SLC26A1: variants seen among roughly 807,000 people sequenced by gnomAD.
The protein encoded by SLC26A1 is sulfate anion transporter 1.
SLC26A1 carries 18 observed loss-of-function variants against 14.5 expected under a neutral mutation model. That is an observed-to-expected ratio of 1.24 (90% CI 0.86 to 1.84). The LOEUF (loss-of-function observed/expected upper bound fraction) is 1.84. Among genes scored for constraint, SLC26A1 ranks in the 40% most tolerant of loss-of-function variants. SLC26A1 has a pLI of 0.00. For missense variants in SLC26A1, 1,049 were observed against 1,020.0 expected (o/e 1.03, Z -0.39); for synonymous variants, 505 against 492.0 (o/e 1.03, Z -0.35).
rs773238336 is a variant in SLC26A1 at position 987,829 on chromosome 4, A to G, written c.*1004T>C. 2.5e-5 allele frequency: 41 copies of G among 1,612,356 alleles called. No homozygotes were observed. The South Asian group carries it at 3.6e-4, about 14-fold the overall frequency. ...CCCAGCCCCCCGCTGCCACACAGCCAGGCTGACCAGTACGTCCTCAGCTGG... is the reference window on the plus strand; with the variant it reads ...CCCAGCCCCCCGCTGCCACACAGCCGGGCTGACCAGTACGTCCTCAGCTGG... On this transcript the variant is annotated 3_prime_UTR_variant, in exon 3 of 3. Transcript: ENST00000398516.
chr4:991,938 GA>G, intron 1 of SLC26A1: 1 of 915,006 alleles, frequency 1.1e-6, no homozygotes, highest in Non-Finnish European at 1.7e-6. Flanking sequence ...AATCCATCGT[GA>G]GGTGAGATGG....
chr4:979,598 C>G, intron 2 of SLC26A1: 1 of 1,508,802 alleles, frequency 6.6e-7, no homozygotes, highest in African/African-American at 1.4e-5. Context: ...CCAAAGTGCC[C>G]ACTGCCTCTC....
Position 989,694 on chromosome 4 carries a change from G to A in SLC26A1, c.1245C>T (p.Ser415=). ...GCACCACGGTGGCGCTGACCACGCTGGACAGCTGTGTCCGGCAGCCAGTGG... is the reference window on the plus strand; with the variant it reads ...GCACCACGGTGGCGCTGACCACGCTAGACAGCTGTGTCCGGCAGCCAGTGG... ...KTATGCRTQL[S]SVVSATVVLL... The change falls in exon 3 of 3, where the codon TCC becomes TCT. Residue 415 remains serine, a synonymous_variant. Transcript: ENST00000398516. The A allele has an allele frequency of 1.9e-6, 3 of 1,562,310 alleles. No individual in the cohort carries two copies. Among genetic ancestry groups the A allele is most frequent in the Non-Finnish European group, 2.6e-6 (3 of 1,154,074 alleles).
chr4:984,574 T>C (rs1457080611), downstream of SLC26A1, among the ~76,000 whole-genome samples: 1 of 152,172 alleles, frequency 6.6e-6, no homozygotes, highest in Non-Finnish European at 1.5e-5. Flanking sequence ...CTCATGCCTA[T>C]AATCCCAGCA....
At position 989,976 on chromosome 4, in the gene SLC26A1, G is replaced by A. The variant is rs138492048; in HGVS notation, c.963C>T (p.Gly321=). The stretch of plus-strand genomic sequence containing the variant: ...GGGGCATGAAACCCGTGGGGATGTC[G>A]CCAGCCACGCTCGAGCCAAAGCGCT... The part of the protein sequence containing the change: ...LHKRFGSSVA[G]DIPTGFMPPQ... The change falls in exon 3 of 3, where the codon GGC becomes GGT. Residue 321 remains glycine, a synonymous_variant. Coordinates refer to ENST00000398516, the MANE Select transcript of SLC26A1 (RefSeq NM_022042.4). 539 of 1,556,958 alleles carry A rather than the reference G, an allele frequency of 3.5e-4. 1 individual carries two copies. The highest frequency in any genetic ancestry group is 4.1e-4 in the Non-Finnish European group (478 of 1,152,376).
chr4:985,845 A>T (rs1324207069), downstream of SLC26A1, among the ~76,000 whole-genome samples: 3 of 152,222 alleles, frequency 2.0e-5, no homozygotes, highest in Non-Finnish European at 4.4e-5. Flanking sequence ...AGAACACTGT[A>T]ACTCTAATTA....
chr4:983,231 C>A (rs956514634), downstream of SLC26A1, among the ~76,000 whole-genome samples: 2 of 152,226 alleles, frequency 1.3e-5, no homozygotes, highest in African/African-American at 4.8e-5. Flanking sequence ...GAAAATGTCA[C>A]CCAGAGTGAA....
chr4:986,998 T>G, downstream of SLC26A1: 1 of 1,025,678 alleles, frequency 9.7e-7, no homozygotes. Flanking sequence ...GCGGCGGCGG[T>G]CACATGGGGT....
At position 989,936 on chromosome 4, in the gene SLC26A1, G is replaced by T; in HGVS notation, c.1003C>A (p.Pro335Thr). ...AAAGCCACACGCTGCATCAGCCTGG[G>T]CTCTGGGACCTGAGGGGGCATGAAA... is the stretch of plus-strand genomic sequence containing the variant. ...TGFMPPQVPE[P>T]RLMQRVALDA... The change falls in exon 3 of 3, where the codon CCC (proline) becomes ACC (threonine). Residue 335 changes from proline to threonine, a missense_variant. Transcript: ENST00000398516. The T allele has an allele frequency of 6.4e-7, 1 of 1,557,064 alleles. No homozygotes were observed. Among genetic ancestry groups the T allele is most frequent in the South Asian group, 1.2e-5 (1 of 84,712 alleles).
At chr4:983,503 C>T (rs1004314378), downstream of SLC26A1, among the ~76,000 whole-genome samples, 2 of 152,234 alleles carry the variant, frequency 1.3e-5, no homozygotes, top group Admixed American at 1.3e-4. Flanking sequence ...AGAGAGAGGC[C>T]TCCAGGAACC....
At chr4:991,956 G>C (rs904899905) in intron 1 of SLC26A1, 1 of 806,672 alleles carries the variant, frequency 1.2e-6, no homozygotes, top group Admixed American at 2.0e-5. Context: ...ATGGGATTAC[G>C]ACACCAAGCC....
downstream of SLC26A1, chr4:986,688 T>C (rs1713742707): frequency 6.9e-6 from 3 of 436,020 alleles, no homozygotes; most frequent in South Asian, 3.2e-5. Context: ...GCCCCGGAGA[T>C]GGAGGTTGCA....
At chr4:979,470 G>C in exon 3 of SLC26A1, 1 of 1,613,816 alleles carries the variant, frequency 6.2e-7, no homozygotes, top group African/African-American at 1.3e-5. Flanking sequence ...TAATTGCCAT[G>C]GGTGTTGCTG....
In SLC26A1 at chr4:991,338, G is replaced by A. The variant is rs754151903; in HGVS notation, c.366C>T (p.Ser122=). The change falls in exon 2 of 3, where the codon TCC becomes TCT. Residue 122 remains serine, a synonymous_variant. Coordinates refer to ENST00000398516, the MANE Select transcript of SLC26A1 (RefSeq NM_022042.4). The stretch of plus-strand genomic sequence containing the variant: ...GGCAAAGCAGGCTGAAGATGCCCAC[G>A]GAGACATGCCGTGAGGTGCCCATGA... ...YFLMGTSRHV[S]VGIFSLLCLM... 43 of 1,612,804 alleles carry A rather than the reference G, an allele frequency of 2.7e-5. No individual in the cohort carries two copies. Among genetic ancestry groups the A allele is most frequent in the South Asian group, 6.6e-5 (6 of 91,088 alleles).
Position 990,240 on chromosome 4 carries a change from G to A in SLC26A1, c.699C>T (p.Gly233=), listed in dbSNP as rs745913541. The A allele has an allele frequency of 2.0e-5, 31 of 1,581,170 alleles. 1 individual carries two copies. The South Asian group carries it at 2.4e-4, about 12-fold the overall frequency. ...ILTSQLKHLL[G]VRIPRHQGPG... is the part of the protein sequence containing the mutation. ...GCCCCTGGTGCCGCGGGATCCGCAC[G>A]CCCAGCAGGTGTTTGAGCTGCGAGG... The change falls in exon 3 of 3, where the codon GGC becomes GGT. Residue 233 remains glycine, a synonymous_variant. Transcript: ENST00000398516.
At position 991,080 on chromosome 4, in the gene SLC26A1, A is replaced by AG. The variant is rs34164224; in HGVS notation, c.576+47dup. 8.6e-4 allele frequency: 1,296 copies of AG among 1,500,068 alleles called. 10 individuals carry two copies. In the African/African-American group the frequency reaches 0.015, roughly 17 times the overall value. The allele number at this position is 1,500,068 out of a possible 1,614,324, so 92.9% of individuals were successfully genotyped here. On this transcript the variant is annotated intron_variant, in intron 2 of 2. Coordinates refer to ENST00000398516, the MANE Select transcript of SLC26A1 (RefSeq NM_022042.4). ...TGCCCTCGTGGATGGCCAAAACCTA[A>AG]GGGGGGGTGCCCTGGGCCCCTCCCT... is the stretch of plus-strand genomic sequence containing the variant.
In SLC26A1 at chr4:991,362, G is replaced by A; in HGVS notation, c.342C>T (p.Leu114=). ...TSFFANLIYF[L]MGTSRHVSVG... is the part of the protein sequence containing the mutation. ...CGGAGACATGCCGTGAGGTGCCCAT[G>A]AGGAAGTAGATGAGGTTGGCGAAGA... The change falls in exon 2 of 3, where the codon CTC becomes CTT. Residue 114 remains leucine, a synonymous_variant. Transcript: ENST00000398516. 6.2e-7 allele frequency: 1 copy of A among 1,612,904 alleles called. No homozygotes were observed. Among genetic ancestry groups the A allele is most frequent in the Non-Finnish European group, 8.5e-7 (1 of 1,179,962 alleles).
At chr4:990,658 C>G in intron 2 of SLC26A1, 1 of 467,922 alleles carries the variant, frequency 2.1e-6, no homozygotes. Context: ...GAATTAAGAC[C>G]TCTGGTATCA....
chr4:992,320 T>G, intron 1 of SLC26A1: 1 of 410,318 alleles, frequency 2.4e-6, no homozygotes, highest in Admixed American at 2.5e-5. Flanking sequence ...TGGAGACACC[T>G]CCACCCACCC....
Sources: allele counts gnomAD v4.1 joint callset (sites outside exome capture counted in the v4.1 genomes callset), GRCh38; gene constraint gnomAD v4.1.1; transcripts MANE v1.5; gene names NCBI Gene and HGNC (gene_info 2026-07-23, HGNC 2026-07-21).